Variants in EBF2 observed in about 807,000 individuals in gnomAD.
EBF2 encodes the protein EBF transcription factor 2, also known as transcription factor COE2.
EBF2 carries 21 observed loss-of-function variants against 72.8 expected under a neutral mutation model. The ratio of observed to expected loss-of-function variants is 0.29; its 90% CI spans 0.20 to 0.42. EBF2 has a LOEUF of 0.42. Ranked by LOEUF, EBF2 falls within the 10% of genes least tolerant of loss-of-function variation. EBF2 has a pLI of 1.00. For synonymous variants in EBF2, 299 were observed against 274.2 expected (o/e 1.09, Z -0.89); for missense variants, 637 against 731.2 (o/e 0.87, Z 1.49).
At chr8:25,865,247 G>C (rs550159661) in intron 10 of EBF2, among the ~76,000 whole-genome samples, 13 of 152,262 alleles carry the variant, frequency 8.5e-5, no homozygotes, top group African/African-American at 3.1e-4. Context: ...AGATCCCTCA[G>C]TAAACTGTGC....
At chr8:25,897,044 G>A (rs796723073) in intron 7 of EBF2, among the ~76,000 whole-genome samples, 17 of 152,256 alleles carry the variant, frequency 1.1e-4, no homozygotes, top group African/African-American at 4.1e-4. Context: ...AGCAATGGCT[G>A]TTTCATATTC....
chr8:25,860,690 A>AT (rs11458718), intron 13 of EBF2, among the ~76,000 whole-genome samples: 14,369 of 151,380 alleles, frequency 0.095, 2,278 homozygotes, highest in African/African-American at 0.33. Flanking sequence ...ACACCTGGCT[A>AT]TTTTTTTATA....
intron 6 of EBF2, among the ~76,000 whole-genome samples, chr8:25,934,220 TGCATACAC>T (rs1803533864): frequency 8.1e-6 from 1 of 123,636 alleles, no homozygotes; most frequent in African/African-American, 3.2e-5. Flanking sequence ...TGACTTCATG[TGCATACAC>T]ACACACACAC....
intron 6 of EBF2, among the ~76,000 whole-genome samples, chr8:25,956,840 GAC>G (rs1480133527): frequency 6.6e-6 from 1 of 152,166 alleles, no homozygotes; most frequent in East Asian, 1.9e-4. Context: ...CTCCCAAGAT[GAC>G]ACACAATCAG....
At position 25,876,828 on chromosome 8, in the gene EBF2, G is replaced by A. The variant is rs540200909; in HGVS notation, c.1009+9927C>T. Among the ~76,000 whole-genome samples, 5 of 152,272 alleles carry A rather than the reference G, an allele frequency of 3.3e-5. 1 individual carries two copies. Among genetic ancestry groups the A allele is most frequent in the African/African-American group, 1.2e-4 (5 of 41,558 alleles). On this transcript the variant is annotated intron_variant, in intron 10 of 15. Coordinates refer to ENST00000520164, the MANE Select transcript of EBF2 (RefSeq NM_022659.4). ...AGCAGGATCTCAGCTATGAAGTTGA[G>A]ATCCTCATAGAACTGTCATCACAGA...
chr8:25,845,525 C>G (rs1462469563), intron 15 of EBF2, among the ~76,000 whole-genome samples: 2 of 152,234 alleles, frequency 1.3e-5, no homozygotes, highest in African/African-American at 4.8e-5. Flanking sequence ...TGTACTCAGC[C>G]TCCAATTCCT....
chr8:26,040,747 G>T, intron 3 of EBF2, 76 bp from the exon 4 acceptor site: 2 of 1,521,822 alleles, frequency 1.3e-6, no homozygotes, highest in Non-Finnish European at 1.8e-6. Context: ...TCTGCCATGG[G>T]TCTGAGGCCC....
intron 7 of EBF2, among the ~76,000 whole-genome samples, chr8:25,897,595 T>C (rs576823818): frequency 6.6e-6 from 1 of 152,328 alleles, no homozygotes; most frequent in South Asian, 2.1e-4. Context: ...TAGCATCCAC[T>C]TACAAGTGAG....
At chr8:25,872,093 ATACTTC>A (rs1460796588) in intron 10 of EBF2, among the ~76,000 whole-genome samples, 6 of 152,292 alleles carry the variant, frequency 3.9e-5, no homozygotes, top group African/African-American at 1.4e-4. Flanking sequence ...ACCCCATCTT[ATACTTC>A]TACTTCTGTT....
chr8:26,013,498 G>A (rs1288923893), intron 6 of EBF2, among the ~76,000 whole-genome samples: 1 of 152,152 alleles, frequency 6.6e-6, no homozygotes, highest in African/African-American at 2.4e-5. Flanking sequence ...CTAATCATCT[G>A]TCTTTTCCCT....
intron 5 of EBF2, among the ~76,000 whole-genome samples, chr8:26,039,697 C>T (rs775452689): frequency 6.6e-6 from 1 of 152,210 alleles, no homozygotes; most frequent in Non-Finnish European, 1.5e-5. Context: ...GCGGGAACTC[C>T]AGCCGATCCC....
chr8:26,041,101 T>G, intron 2 of EBF2, 99 bp from the exon 3 acceptor site: 1 of 1,407,074 alleles, frequency 7.1e-7, no homozygotes, highest in Non-Finnish European at 9.9e-7. Context: ...CTTCTCCCCA[T>G]CAAAAGGCAG....
At chr8:25,948,547 A>G (rs1019477620) in intron 6 of EBF2, among the ~76,000 whole-genome samples, 33 of 152,224 alleles carry the variant, frequency 2.2e-4, no homozygotes, top group African/African-American at 8.0e-4. Flanking sequence ...GTGATGCGAC[A>G]TTTATAACTA....
chr8:25,881,168 G>T (rs1802600487), intron 10 of EBF2, among the ~76,000 whole-genome samples: 2 of 152,198 alleles, frequency 1.3e-5, no homozygotes, highest in Non-Finnish European at 2.9e-5. Flanking sequence ...TAGCCAGAAT[G>T]ATCTTTTAAA....
chr8:25,915,304 A>G (rs1372849263), intron 6 of EBF2, among the ~76,000 whole-genome samples: 5 of 151,946 alleles, frequency 3.3e-5, no homozygotes, highest in Non-Finnish European at 7.4e-5. Flanking sequence ...AAGGCTGAAC[A>G]TGTTGCCACG....
At position 25,893,524 on chromosome 8, in the gene EBF2, C is replaced by T. The variant is rs973549979; in HGVS notation, c.634-3655G>A. Among the ~76,000 whole-genome samples, 30 of 152,096 alleles carry T rather than the reference C, an allele frequency of 2.0e-4. 1 individual carries two copies. Among genetic ancestry groups the T allele is most frequent in the Middle Eastern group, 3.4e-3 (1 of 294 alleles). On this transcript the variant is annotated intron_variant, in intron 7 of 15. Coordinates refer to ENST00000520164, the MANE Select transcript of EBF2 (RefSeq NM_022659.4). Reference sequence around the variant, plus strand: ...AGCTTCTTACCTTAAGTGATCCTCCCGCCTCAGCCTCCCAAAGTGCTGGGA... The same window carrying T: ...AGCTTCTTACCTTAAGTGATCCTCCTGCCTCAGCCTCCCAAAGTGCTGGGA...
At chr8:25,970,304 G>A (rs553133165) in intron 6 of EBF2, among the ~76,000 whole-genome samples, 7 of 152,242 alleles carry the variant, frequency 4.6e-5, no homozygotes, top group South Asian at 2.1e-4. Context: ...TCTTCCATTC[G>A]CTTCGACAGG....
chr8:26,027,374 C>A (rs150509483), intron 6 of EBF2, among the ~76,000 whole-genome samples: 12 of 152,130 alleles, frequency 7.9e-5, no homozygotes, highest in Admixed American at 7.8e-4. Context: ...GGGCCAATGA[C>A]AAGCCTGGAC....
intron 6 of EBF2, among the ~76,000 whole-genome samples, chr8:25,987,001 T>G (rs1047306984): frequency 6.6e-6 from 1 of 152,184 alleles, no homozygotes; most frequent in Non-Finnish European, 1.5e-5. Context: ...CATGAGGCTC[T>G]GCTGAGCACA....
Sources: gnomAD v4.1 joint callset for allele counts (sites outside exome capture counted in the v4.1 genomes callset) on GRCh38, gnomAD v4.1.1 for gene constraint, MANE v1.5 for transcripts, NCBI Gene and HGNC (gene_info 2026-07-23, HGNC 2026-07-21) for gene names.